Variants in ANKIB1 observed in about 807,000 individuals in gnomAD.
The protein encoded by ANKIB1 is ankyrin repeat and IBR domain-containing protein 1.
ANKIB1 carries 43 observed loss-of-function variants against 122.1 expected under a neutral mutation model. The ratio of observed to expected loss-of-function variants is 0.35; its 90% CI spans 0.28 to 0.45. The LOEUF (loss-of-function observed/expected upper bound fraction) is 0.45, where lower values mean the gene tolerates loss of function less well. ANKIB1 is among the 20% of genes least tolerant of loss of function. The pLI is 1.00. For synonymous variants in ANKIB1, 390 were observed against 442.0 expected, an observed-to-expected ratio of 0.88 and a Z score of 1.48; for missense variants, 992 against 1,329.5, an observed-to-expected ratio of 0.75 and a Z score of 3.95.
Position 92,343,242 on chromosome 7 carries a change from G to A in ANKIB1, c.996+10G>A, listed in dbSNP as rs752328472. ...TTTAGACACCAGTTTGGTATGGTTT[G>A]GTATTCACTGTACTTCTCATAGCTT... On this transcript the variant is annotated intron_variant, in intron 6 of 19. Coordinates refer to ENST00000265742, the MANE Select transcript of ANKIB1 (RefSeq NM_019004.2). 6.2e-7 allele frequency: 1 copy of A among 1,606,940 alleles called. No homozygotes were observed. Among genetic ancestry groups the A allele is most frequent in the South Asian group, 1.1e-5 (1 of 90,660 alleles).
intron 7 of ANKIB1, among the ~76,000 whole-genome samples, chr7:92,349,742 T>C (rs1803618041): frequency 6.6e-6 from 1 of 152,180 alleles, no homozygotes; most frequent in Non-Finnish European, 1.5e-5. Context: ...ACATATATAA[T>C]CTGTTTAACA....
At chr7:92,292,408 C>T (rs1802267987) in intron 1 of ANKIB1, among the ~76,000 whole-genome samples, 1 of 152,038 alleles carries the variant, frequency 6.6e-6, no homozygotes, top group Non-Finnish European at 1.5e-5. Flanking sequence ...TAAATGAGTA[C>T]TCCATGATAA....
chr7:92,390,593 T>C (rs543724184), intron 15 of ANKIB1, among the ~76,000 whole-genome samples: 4 of 152,336 alleles, frequency 2.6e-5, no homozygotes, highest in African/African-American at 9.6e-5. Context: ...TGTGCATTTC[T>C]TTTCTTTTGA....
At chr7:92,248,386 A>G (rs887451288) in intron 1 of ANKIB1, among the ~76,000 whole-genome samples, 8 of 152,184 alleles carry the variant, frequency 5.3e-5, no homozygotes, top group African/African-American at 1.9e-4. Context: ...GGCACTGCCC[A>G]CTTCTCAAAG....
At chr7:92,246,655 G>T in intron 1 of ANKIB1, 136 bp downstream of exon 1, 2 of 450,086 alleles carry the variant, frequency 4.4e-6, no homozygotes, top group Non-Finnish European at 8.9e-6. Context: ...GAGCATTGTT[G>T]TTCTGTCTGT....
intron 1 of ANKIB1, among the ~76,000 whole-genome samples, chr7:92,283,018 A>G (rs992035778): frequency 6.6e-6 from 1 of 152,100 alleles, no homozygotes; most frequent in Non-Finnish European, 1.5e-5. Flanking sequence ...TTTTGCAGCT[A>G]TTTTCATTTC....
chr7:92,252,207 G>A (rs1801342895), intron 1 of ANKIB1, among the ~76,000 whole-genome samples: 1 of 152,082 alleles, frequency 6.6e-6, no homozygotes, highest in Non-Finnish European at 1.5e-5. Flanking sequence ...AGTGTTTGTG[G>A]AGATGTATTC....
intron 5 of ANKIB1, among the ~76,000 whole-genome samples, chr7:92,330,818 G>A (rs1803156613): frequency 6.6e-6 from 1 of 152,110 alleles, no homozygotes. Context: ...CTCCAGCCTG[G>A]ACGACAGAGC....
At chr7:92,246,777 C>T (rs1585064850) in intron 1 of ANKIB1, among the ~76,000 whole-genome samples, 1 of 152,330 alleles carries the variant, frequency 6.6e-6, no homozygotes, top group East Asian at 1.9e-4. Flanking sequence ...GGATGCATCT[C>T]CTTGTCCCTC....
intron 6 of ANKIB1, among the ~76,000 whole-genome samples, chr7:92,344,331 A>G (rs1803495969): frequency 6.7e-6 from 1 of 149,542 alleles, no homozygotes; most frequent in South Asian, 2.1e-4. Context: ...CAGCCTCCTG[A>G]GTAGCTGGGA....
intron 9 of ANKIB1, among the ~76,000 whole-genome samples, chr7:92,355,156 CT>C (rs1019550272): frequency 3.9e-5 from 6 of 152,158 alleles, no homozygotes; most frequent in African/African-American, 7.2e-5. Flanking sequence ...GTTTCTCCCC[CT>C]AGCCTTTATA....
At chr7:92,329,059 C>T (rs1803097158) in intron 5 of ANKIB1, among the ~76,000 whole-genome samples, 1 of 150,750 alleles carries the variant, frequency 6.6e-6, no homozygotes, top group South Asian at 2.1e-4. Flanking sequence ...CCTCTGCCTT[C>T]CAGGTTCAAG....
chr7:92,289,540 A>G (rs956645105), intron 1 of ANKIB1, among the ~76,000 whole-genome samples: 1 of 152,186 alleles, frequency 6.6e-6, no homozygotes, highest in Non-Finnish European at 1.5e-5. Context: ...TTGGCTTAGC[A>G]TAGTTTCAAA....
At chr7:92,311,770 G>C (rs966458312) in intron 3 of ANKIB1, among the ~76,000 whole-genome samples, 3 of 151,516 alleles carry the variant, frequency 2.0e-5, no homozygotes, top group African/African-American at 7.3e-5. Flanking sequence ...CTTAATTATA[G>C]AGTTCTTCAG....
chr7:92,376,520 C>G (rs1279378973), intron 11 of ANKIB1, among the ~76,000 whole-genome samples: 1 of 151,106 alleles, frequency 6.6e-6, no homozygotes, highest in Non-Finnish European at 1.5e-5. Flanking sequence ...TGGATCTCAG[C>G]TCACTGCAAC....
chr7:92,252,220 A>G (rs1787449903), intron 1 of ANKIB1, among the ~76,000 whole-genome samples: 1 of 152,132 alleles, frequency 6.6e-6, no homozygotes, highest in Admixed American at 6.5e-5. Flanking sequence ...ATGTATTCCA[A>G]AATTATGCTA....
At chr7:92,352,390 T>C (rs910684843) in intron 8 of ANKIB1, 86 bp from the exon 9 acceptor site, 1 of 1,355,172 alleles carries the variant, frequency 7.4e-7, no homozygotes, top group Non-Finnish European at 1.0e-6. Context: ...CTTTGCTTTA[T>C]AGTAAATTAC....
chr7:92,355,252 CCTCTTTTTTTTTCTTTTTAATT>C (rs11267474), intron 9 of ANKIB1, among the ~76,000 whole-genome samples: 15,964 of 152,154 alleles, frequency 0.1, 1,009 homozygotes, highest in East Asian at 0.36. Context: ...AATGACTTTT[CCTCTTTTTTTTTCTTTTTAATT>C]AAGTAAAATA....
chr7:92,389,246 ATTTC>A (rs1422842000), intron 14 of ANKIB1, among the ~76,000 whole-genome samples: 1 of 152,116 alleles, frequency 6.6e-6, no homozygotes, highest in East Asian at 1.9e-4. Flanking sequence ...CACATACTGA[ATTTC>A]TTTCTACAGG....
Sources: gnomAD v4.1 joint callset for allele counts (sites outside exome capture counted in the v4.1 genomes callset) on GRCh38, gnomAD v4.1.1 for gene constraint, MANE v1.5 for transcripts, NCBI Gene and HGNC (gene_info 2026-07-23, HGNC 2026-07-21) for gene names.